Variants in ZNF395 observed in about 807,000 individuals in gnomAD.
ZNF395 encodes the protein HD gene regulatory region-binding protein 2.
In ZNF395, 20 loss-of-function variants were observed where a neutral mutation model predicts 57.7. The ratio of observed to expected loss-of-function variants is 0.35; its 90% CI spans 0.24 to 0.50. ZNF395 has a LOEUF of 0.50. Among genes scored for constraint, ZNF395 ranks in the 20% least tolerant of loss-of-function variants. The pLI, the probability that ZNF395 is intolerant of heterozygous loss-of-function variation, is 0.97. For missense variants in ZNF395, 606 were observed against 671.2 expected, an observed-to-expected ratio of 0.90 and a Z score of 1.07; for synonymous variants, 295 against 275.9, an observed-to-expected ratio of 1.07 and a Z score of -0.69.
intron 1 of ZNF395, among the ~76,000 whole-genome samples, chr8:28,371,618 G>C (rs1801976939): frequency 6.6e-6 from 1 of 152,226 alleles, no homozygotes; most frequent in South Asian, 2.1e-4. Flanking sequence ...TAGTGGTTGT[G>C]GCATGGAACG....
At chr8:28,374,577 A>T (rs1053330568) in intron 1 of ZNF395, among the ~76,000 whole-genome samples, 2 of 152,170 alleles carry the variant, frequency 1.3e-5, no homozygotes, top group South Asian at 4.1e-4. Flanking sequence ...AGGGGCTGTG[A>T]GCTCAGCAGT....
At chr8:28,376,123 T>C (rs550712746) in intron 1 of ZNF395, among the ~76,000 whole-genome samples, 12 of 152,144 alleles carry the variant, frequency 7.9e-5, no homozygotes, top group South Asian at 6.2e-4. Context: ...TGCAGGTGCA[T>C]GCCACCACGC....
intron 7 of ZNF395, among the ~76,000 whole-genome samples, chr8:28,351,134 T>C (rs1426243805): frequency 6.6e-6 from 1 of 152,236 alleles, no homozygotes. Context: ...CGTGCTGGAC[T>C]GTCTGTCCAC....
chr8:28,363,399 G>A lies in ZNF395; in HGVS notation c.-58-2217C>T, dbSNP rs1446173910. 2.6e-5 allele frequency among the ~76,000 whole-genome samples: 4 copies of A among 152,234 alleles called. No homozygotes were observed. The East Asian group carries it at 7.7e-4, about 29-fold the overall frequency. On this transcript the variant is annotated intron_variant, in intron 1 of 9. Coordinates refer to ENST00000344423, the MANE Select transcript of ZNF395 (RefSeq NM_018660.3). The stretch of plus-strand genomic sequence containing the variant: ...TGCCTGCCTCAGCAGGCAGGCAGAT[G>A]CTGGGATTACAGGCATGAGGCACCG...
intron 1 of ZNF395, among the ~76,000 whole-genome samples, chr8:28,380,615 A>G (rs140651364): frequency 7.9e-5 from 12 of 152,322 alleles, no homozygotes; most frequent in Admixed American, 2.0e-4. Flanking sequence ...CCCACGTCTT[A>G]CCACTTATGA....
intron 3 of ZNF395, among the ~76,000 whole-genome samples, chr8:28,358,673 G>C (rs533664724): frequency 6.6e-6 from 1 of 152,248 alleles, no homozygotes; most frequent in Admixed American, 6.5e-5. Context: ...CCAGCCTCAA[G>C]CAATCTTCCC....
intron 1 of ZNF395, among the ~76,000 whole-genome samples, chr8:28,381,799 T>C (rs1348382811): frequency 6.6e-6 from 1 of 151,922 alleles, no homozygotes; most frequent in Non-Finnish European, 1.5e-5. Flanking sequence ...AAGCGGAAAA[T>C]GGAAAGGCTG....
At chr8:28,358,151 C>CTTTTTTTTTTTTTT (rs746800075) in intron 3 of ZNF395, among the ~76,000 whole-genome samples, 6 of 101,124 alleles carry the variant, frequency 5.9e-5, no homozygotes, top group Admixed American at 1.0e-4. Context: ...TCTTTTTTTT[C>CTTTTTTTTTTTTTT]TTTTTTTTTT....
At chr8:28,368,902 C>T (rs552686249) in intron 1 of ZNF395, among the ~76,000 whole-genome samples, 1 of 152,038 alleles carries the variant, frequency 6.6e-6, no homozygotes, top group East Asian at 1.9e-4. Flanking sequence ...GTGGCGCCAT[C>T]TCGGCTCACT....
rs773470897 is a variant in ZNF395 at position 28,350,172 on chromosome 8, G to A, written c.1234-16C>T. 1.3e-6 allele frequency: 2 copies of A among 1,589,276 alleles called. No individual in the cohort carries two copies. The highest frequency in any genetic ancestry group is 8.5e-7 in the Non-Finnish European group (1 of 1,169,714). On this transcript the variant is annotated splice_polypyrimidine_tract_variant and intron_variant, in intron 7 of 9. Transcript: ENST00000344423. ...ATGGCAGAGCCTGCGGAAGACGAGG[G>A]TGTCAGCCCGGATTCTAGCTCAGGA... is the stretch of plus-strand genomic sequence containing the variant.
rs1801621512 is a variant in ZNF395 at position 28,347,637 on chromosome 8, T to G, written c.*1082A>C. Reference sequence around the variant, plus strand: ...ATTTCCTCATCCTGACGCTCACGGGTGCAAGGACTCTCCTTGGCCTTCCTC... The same window carrying G: ...ATTTCCTCATCCTGACGCTCACGGGGGCAAGGACTCTCCTTGGCCTTCCTC... On this transcript the variant is annotated 3_prime_UTR_variant, in exon 10 of 10. Coordinates refer to ENST00000344423, the MANE Select transcript of ZNF395 (RefSeq NM_018660.3). The G allele has an allele frequency of 6.6e-6, 1 of 152,158 alleles. No homozygotes were observed. Among genetic ancestry groups the G allele is most frequent in the Admixed American group, 6.6e-5 (1 of 15,258 alleles). The allele number at this position is 152,158 out of a possible 1,614,324, so 9.4% of individuals were successfully genotyped here. A position where few individuals can be genotyped will look rare whatever the true frequency, so the allele number is the denominator to read the frequency against.
At position 28,348,351 on chromosome 8, in the gene ZNF395, C is replaced by T. The variant is rs939293947; in HGVS notation, c.*368G>A. 3.4e-5 allele frequency: 6 copies of T among 175,638 alleles called. No homozygotes were observed. The highest frequency in any genetic ancestry group is 4.9e-5 in the African/African-American group (2 of 40,626). 10.9% of individuals were successfully genotyped at this position (175,638 alleles called of 1,614,324 possible). A position where few individuals can be genotyped will look rare whatever the true frequency, so the allele number is the denominator to read the frequency against. On this transcript the variant is annotated 3_prime_UTR_variant, in exon 10 of 10. Transcript: ENST00000344423. The stretch of plus-strand genomic sequence containing the variant: ...AGAGTTTAGAAAGCAAAGAATTCAC[C>T]GACTCAGCAGGAAGCAGAACGAGCT...
At chr8:28,349,060 G>C (rs1801644770) in intron 9 of ZNF395, 65 bp downstream of exon 9, 8 of 1,471,026 alleles carry the variant, frequency 5.4e-6, no homozygotes, top group Middle Eastern at 1.8e-4. Flanking sequence ...GGTGGGGTCG[G>C]AGTCCACGCC....
At chr8:28,372,149 A>C (rs906200746) in intron 1 of ZNF395, among the ~76,000 whole-genome samples, 3 of 152,278 alleles carry the variant, frequency 2.0e-5, no homozygotes, top group Admixed American at 1.3e-4. Flanking sequence ...AAATGAGAAA[A>C]AGTATTGATC....
At chr8:28,357,081 T>C (rs1049115534) in intron 3 of ZNF395, among the ~76,000 whole-genome samples, 3 of 152,120 alleles carry the variant, frequency 2.0e-5, no homozygotes, top group Admixed American at 2.0e-4. Flanking sequence ...GACAGCCCCA[T>C]TCTCCCATGA....
At chr8:28,381,580 G>A (rs573987150) in intron 1 of ZNF395, among the ~76,000 whole-genome samples, 1 of 152,266 alleles carries the variant, frequency 6.6e-6, no homozygotes, top group African/African-American at 2.4e-5. Flanking sequence ...CGAGCTCTTA[G>A]TCTTGGGTGG....
At chr8:28,369,772 C>CG (rs1223546834) in intron 1 of ZNF395, among the ~76,000 whole-genome samples, 2 of 152,344 alleles carry the variant, frequency 1.3e-5, no homozygotes, top group East Asian at 3.9e-4. Flanking sequence ...CCGGAACCCC[C>CG]GGGAAAGGGC....
rs542514955 is a variant in ZNF395 at position 28,351,826 on chromosome 8, C to T, written c.921-19G>A. On this transcript the variant is annotated intron_variant, in intron 6 of 9. Transcript: ENST00000344423. ...TGTGTCCCTGTGTGGGAGGGAGATGCGGTATAATCAGGGGCACCCTGCCCC... is the reference window on the plus strand; with the variant it reads ...TGTGTCCCTGTGTGGGAGGGAGATGTGGTATAATCAGGGGCACCCTGCCCC... The T allele has an allele frequency of 1.9e-5, 29 of 1,526,418 alleles. No individual in the cohort carries two copies. The highest frequency in any genetic ancestry group is 1.2e-4 in the South Asian group (10 of 80,624). The allele number at this position is 1,526,418 out of a possible 1,614,324, so 94.6% of individuals were successfully genotyped here. A position where few individuals can be genotyped will look rare whatever the true frequency, so the allele number is the denominator to read the frequency against.
At chr8:28,351,413 AG>A (rs1464328082) in intron 7 of ZNF395, 81 bp downstream of exon 7, 1 of 1,454,246 alleles carries the variant, frequency 6.9e-7, no homozygotes, top group Non-Finnish European at 9.2e-7. Flanking sequence ...GCCTTCCATC[AG>A]GGTGGTCGGT....
Sources: allele counts gnomAD v4.1 joint callset (sites outside exome capture counted in the v4.1 genomes callset), GRCh38; gene constraint gnomAD v4.1.1; transcripts MANE v1.5; gene names NCBI Gene and HGNC (gene_info 2026-07-23, HGNC 2026-07-21).